The following SLC39A11 variants were observed in gnomAD, a reference collection of about 807,000 sequenced individuals.
The protein encoded by SLC39A11 is zinc transporter ZIP11.
SLC39A11 carries 33 observed loss-of-function variants against 36.1 expected under a neutral mutation model. The observed-to-expected ratio is 0.91, with a 90% CI of 0.69 to 1.22. The LOEUF (loss-of-function observed/expected upper bound fraction) is 1.22. Among genes scored for constraint, SLC39A11 ranks in the 50% most tolerant of loss-of-function variants. SLC39A11 has a pLI of 0.00. For synonymous variants in SLC39A11, 166 were observed against 170.3 expected (o/e 0.97, Z 0.20); for missense variants, 432 against 430.3 (o/e 1.00, Z -0.03).
At chr17:73,042,995 T>G (rs879275157) in intron 3 of SLC39A11, among the ~76,000 whole-genome samples, 1 of 152,122 alleles carries the variant, frequency 6.6e-6, no homozygotes, top group Non-Finnish European at 1.5e-5. Context: ...AAAGAGCTAG[T>G]GTGGATCTGG....
At chr17:72,899,000 T>C (rs533789080) in intron 5 of SLC39A11, among the ~76,000 whole-genome samples, 46 of 151,252 alleles carry the variant, frequency 3.0e-4, no homozygotes, top group Non-Finnish European at 5.9e-4. Context: ...AAAAGCCACT[T>C]GACCGACCCC....
At chr17:72,711,419 C>T (rs1435977413) in intron 7 of SLC39A11, among the ~76,000 whole-genome samples, 5 of 152,130 alleles carry the variant, frequency 3.3e-5, no homozygotes, top group Non-Finnish European at 5.9e-5. Flanking sequence ...GAAATGATGG[C>T]CGAGTACCAC....
At position 72,646,197 on chromosome 17, in the gene SLC39A11, A is replaced by C. The variant is rs531893030; in HGVS notation, c.*1387T>G. On this transcript the variant is annotated 3_prime_UTR_variant, in exon 10 of 10. Transcript: ENST00000255559. Reference sequence around the variant, plus strand: ...GCCTTTGGGGTCTGATAGCATTCACAGAGCAGGAGATTCACCCTTGGAAGC... The same window carrying C: ...GCCTTTGGGGTCTGATAGCATTCACCGAGCAGGAGATTCACCCTTGGAAGC... 6.5e-6 allele frequency: 1 copy of C among 152,826 alleles called. No individual in the cohort carries two copies. The highest frequency in any genetic ancestry group is 2.4e-5 in the African/African-American group (1 of 41,590). The allele number at this position is 152,826 out of a possible 1,614,324, so 9.5% of individuals were successfully genotyped here.
At chr17:72,678,702 A>T (rs1478285521) in intron 7 of SLC39A11, among the ~76,000 whole-genome samples, 1 of 151,886 alleles carries the variant, frequency 6.6e-6, no homozygotes, top group Non-Finnish European at 1.5e-5. Flanking sequence ...AAAAAGAGAG[A>T]AACTCCAAGA....
At chr17:72,947,976 A>G in intron 4 of SLC39A11, 101 bp from the exon 5 acceptor site, 2 of 1,472,418 alleles carry the variant, frequency 1.4e-6, no homozygotes, top group Non-Finnish European at 1.9e-6. Flanking sequence ...AGTCTCTACC[A>G]AGACCGCCAC....
intron 5 of SLC39A11, among the ~76,000 whole-genome samples, chr17:72,864,748 G>A (rs1315878542): frequency 1.3e-5 from 2 of 152,076 alleles, no homozygotes; most frequent in African/African-American, 2.4e-5. Flanking sequence ...GTCCTAACCC[G>A]CTGCTCCCTG....
At chr17:73,030,807 C>A (rs745508350) in intron 4 of SLC39A11, among the ~76,000 whole-genome samples, 9 of 152,140 alleles carry the variant, frequency 5.9e-5, no homozygotes, top group Non-Finnish European at 8.8e-5. Flanking sequence ...CGGTTCCCAT[C>A]GCATGACCTG....
chr17:72,898,367 C>T (rs1403432640), intron 5 of SLC39A11, among the ~76,000 whole-genome samples: 3 of 152,182 alleles, frequency 2.0e-5, no homozygotes, highest in Middle Eastern at 3.2e-3. Flanking sequence ...CTCAGCTATA[C>T]CGCTGCTACT....
At chr17:72,960,368 T>C (rs1190220385) in intron 4 of SLC39A11, among the ~76,000 whole-genome samples, 2 of 152,192 alleles carry the variant, frequency 1.3e-5, no homozygotes, top group East Asian at 1.9e-4. Context: ...GATGGATAGG[T>C]AGCCTCTTGT....
intron 7 of SLC39A11, among the ~76,000 whole-genome samples, chr17:72,711,322 C>A (rs545023169): frequency 1.3e-5 from 2 of 152,130 alleles, no homozygotes; most frequent in African/African-American, 2.4e-5. Flanking sequence ...GGGGAAAAGA[C>A]GGGTGCAACT....
chr17:73,091,230 C>G (rs2060912584), intron 1 of SLC39A11, among the ~76,000 whole-genome samples: 3 of 152,120 alleles, frequency 2.0e-5, no homozygotes, highest in African/African-American at 7.2e-5. Context: ...GAGTTCGAGA[C>G]CAGCCTGGCC....
At chr17:72,795,965 C>T (rs780806498) in intron 6 of SLC39A11, among the ~76,000 whole-genome samples, 12 of 152,030 alleles carry the variant, frequency 7.9e-5, no homozygotes, top group Non-Finnish European at 1.5e-4. Flanking sequence ...GGGAAGAATA[C>T]TGGGGGGAGA....
chr17:72,781,887 CAAA>C (rs4036981), intron 6 of SLC39A11, among the ~76,000 whole-genome samples: 1 of 136,886 alleles, frequency 7.3e-6, no homozygotes, highest in Admixed American at 7.4e-5. Context: ...CATCACCATC[CAAA>C]AAAAAAAAAA....
chr17:72,995,372 G>A (rs1022040225), intron 4 of SLC39A11, among the ~76,000 whole-genome samples: 15 of 152,342 alleles, frequency 9.8e-5, no homozygotes, highest in African/African-American at 3.6e-4. Flanking sequence ...GCCATAACCA[G>A]CTCCAAGGAG....
At chr17:72,832,210 C>T (rs149552229) in intron 6 of SLC39A11, among the ~76,000 whole-genome samples, 7 of 152,286 alleles carry the variant, frequency 4.6e-5, no homozygotes, top group South Asian at 2.1e-4. Flanking sequence ...CCAAAACATG[C>T]AGCCATACAC....
At chr17:73,068,126 A>G (rs1279475538) in intron 3 of SLC39A11, 5 of 1,365,962 alleles carry the variant, frequency 3.7e-6, no homozygotes, top group African/African-American at 1.5e-5. Flanking sequence ...CAAAATGTCA[A>G]TTTTTTTCTT....
rs1424830764 is a variant in SLC39A11, at chr17:72,926,659, A to T, written c.430+21093T>A. 2.0e-5 allele frequency among the ~76,000 whole-genome samples: 3 copies of T among 152,090 alleles called. No homozygotes were observed. The East Asian group carries it at 5.8e-4, about 29-fold the overall frequency. ...CATAAGTCTTTTGAATAATGCCATCATTCCAAGTTGACCATTTCCAGGGAG... is the reference window on the plus strand; with the variant it reads ...CATAAGTCTTTTGAATAATGCCATCTTTCCAAGTTGACCATTTCCAGGGAG... On this transcript the variant is annotated intron_variant, in intron 5 of 9. Coordinates refer to ENST00000255559, the MANE Select transcript of SLC39A11 (RefSeq NM_139177.4).
chr17:72,988,264 C>A (rs1349836108), intron 4 of SLC39A11, among the ~76,000 whole-genome samples: 2 of 152,174 alleles, frequency 1.3e-5, no homozygotes, highest in Non-Finnish European at 2.9e-5. Context: ...ACCAGTCCGG[C>A]CAACATGGTG....
chr17:72,813,175 T>C (rs758486264), intron 6 of SLC39A11, among the ~76,000 whole-genome samples: 2 of 152,182 alleles, frequency 1.3e-5, no homozygotes, highest in Non-Finnish European at 2.9e-5. Flanking sequence ...ATTCTCTGAG[T>C]TACTCCTTAT....
Sources: gnomAD v4.1 joint callset for allele counts (sites outside exome capture counted in the v4.1 genomes callset) on GRCh38, gnomAD v4.1.1 for gene constraint, MANE v1.5 for transcripts, NCBI Gene and HGNC (gene_info 2026-07-23, HGNC 2026-07-21) for gene names.